The following SPATA13 variants were observed in gnomAD, a reference collection of about 807,000 sequenced individuals.
SPATA13 encodes the protein spermatogenesis associated 13, also known as spermatogenesis-associated protein 13.
Under a neutral mutation model 104.0 loss-of-function variants are expected in SPATA13, and 50 were observed. That is an observed-to-expected ratio of 0.48 (90% CI 0.38 to 0.61). SPATA13 has a LOEUF of 0.61. SPATA13 is among the 20% of genes least tolerant of loss of function. The pLI is 0.00. For synonymous variants in SPATA13, 606 were observed against 667.5 expected, an observed-to-expected ratio of 0.91 and a Z score of 1.42; for missense variants, 1,524 against 1,690.6, an observed-to-expected ratio of 0.90 and a Z score of 1.73.
intron 2 of SPATA13, among the ~76,000 whole-genome samples, chr13:24,233,691 C>A (rs141038148): frequency 1.3e-5 from 2 of 152,032 alleles, no homozygotes; most frequent in Admixed American, 1.3e-4. Flanking sequence ...TCTTTTTCAA[C>A]GGAAAGTTTC....
chr13:24,286,989 ATGAGGCTGCATGAGGTGCC>A lies in SPATA13; in HGVS notation c.2667+42_2667+60del. The A allele has an allele frequency of 6.4e-7, 1 of 1,563,858 alleles. No homozygotes were observed. Among genetic ancestry groups the A allele is most frequent in the East Asian group, 2.3e-5 (1 of 44,036 alleles). ...CTGGGACCTCACTGAGGGTCACAGTATGAGGCTGCATGAGGTGCCTGGGCTTTCTCCCCACCTCCACCCC... is the reference window on the plus strand; with the variant it reads ...CTGGGACCTCACTGAGGGTCACAGTATGGGCTTTCTCCCCACCTCCACCCC... On this transcript the variant is annotated intron_variant, in intron 7 of 12. Transcript: ENST00000382108. The surrounding 1 kb of genome is among the most constrained non-coding windows in gnomAD (Gnocchi z 4.9).
chr13:24,202,176 T>C (rs2138573079), intron 1 of SPATA13, among the ~76,000 whole-genome samples: 1 of 152,266 alleles, frequency 6.6e-6, no homozygotes, highest in South Asian at 2.1e-4. Context: ...TCCTTGCCTT[T>C]TAAAAGATAA....
chr13:24,270,073 A>G (rs1426763949), intron 4 of SPATA13, among the ~76,000 whole-genome samples: 1 of 152,004 alleles, frequency 6.6e-6, no homozygotes, highest in Non-Finnish European at 1.5e-5. Flanking sequence ...TTGCGTATAT[A>G]TTACCTCATT....
At chr13:24,178,109 C>T (rs1181385568) in intron 1 of SPATA13, among the ~76,000 whole-genome samples, 1 of 152,190 alleles carries the variant, frequency 6.6e-6, no homozygotes, top group African/African-American at 2.4e-5. Context: ...CCACCTTGGC[C>T]TCCCAAAGTG....
upstream of SPATA13, chr13:24,160,687 T>C (rs1593368132): frequency 1.1e-6 from 1 of 926,934 alleles, no homozygotes; most frequent in Non-Finnish European, 1.2e-6. Flanking sequence ...GGGCGTGGCC[T>C]GGTGGGGAGC....
At chr13:24,268,246 A>G (rs928512533) in intron 4 of SPATA13, among the ~76,000 whole-genome samples, 4 of 152,224 alleles carry the variant, frequency 2.6e-5, no homozygotes, top group Admixed American at 2.6e-4. Flanking sequence ...GTGGTTTTCA[A>G]ACTCTTTTCT....
intron 2 of SPATA13, among the ~76,000 whole-genome samples, chr13:24,227,784 G>C (rs759244020): frequency 1.4e-4 from 21 of 151,900 alleles, no homozygotes; most frequent in Non-Finnish European, 2.5e-4. Context: ...TTGGTCAGGT[G>C]GTCTCAAACT....
At chr13:24,122,280 T>C (rs755224029) in intron 3 of SPATA13, 1 of 1,356,880 alleles carries the variant, frequency 7.4e-7, no homozygotes, top group Non-Finnish European at 1.1e-6. Context: ...TTTTGAATAG[T>C]TTGAAAGATA....
chr13:24,005,990 C>A (rs1166814662), intron 2 of SPATA13, among the ~76,000 whole-genome samples: 1 of 152,204 alleles, frequency 6.6e-6, no homozygotes, highest in African/African-American at 2.4e-5. Flanking sequence ...TGGACCCATG[C>A]TTCGGGATAG....
chr13:24,050,250 T>C (rs569314934), intron 3 of SPATA13, among the ~76,000 whole-genome samples: 1 of 152,244 alleles, frequency 6.6e-6, no homozygotes, highest in Non-Finnish European at 1.5e-5. Flanking sequence ...TTAAGTATAA[T>C]AGATATTAAA....
At chr13:24,239,719 A>AAAAAAAAAAAAAAAG (rs1872743030) in intron 2 of SPATA13, among the ~76,000 whole-genome samples, 1 of 149,366 alleles carries the variant, frequency 6.7e-6, no homozygotes, top group African/African-American at 2.5e-5. Flanking sequence ...AAAAAAAAAA[A>AAAAAAAAAAAAAAAG]TAGAGAAAGC....
rs374680225 is a variant in SPATA13, at chr13:24,223,254, C to T, written c.325C>T (p.Arg109Trp). 21 of 1,551,572 alleles carry T rather than the reference C, an allele frequency of 1.4e-5. No individual in the cohort carries two copies. Among genetic ancestry groups the T allele is most frequent in the Middle Eastern group, 1.7e-4 (1 of 6,014 alleles). Residue 109 changes from arginine to tryptophan, a missense_variant, in exon 2 of 13, where the codon CGG becomes TGG. Arg to Trp is a moderately radical substitution (Grantham distance 101, BLOSUM62 -3). Coordinates refer to ENST00000382108, the MANE Select transcript of SPATA13 (RefSeq NM_001166271.3). Reference sequence around the variant, plus strand: ...CACATGGAACACCCTCGCCTCCTTCCGGAAAATGGGATCCTTTAAGAAACT... The same window carrying T: ...CACATGGAACACCCTCGCCTCCTTCTGGAAAATGGGATCCTTTAAGAAACT... ...SSTWNTLASF[R>W]KMGSFKKLKS...
intron 2 of SPATA13, among the ~76,000 whole-genome samples, chr13:24,232,323 G>C (rs1235073124): frequency 6.6e-6 from 1 of 152,130 alleles, no homozygotes; most frequent in Non-Finnish European, 1.5e-5. Flanking sequence ...GACACCTCAA[G>C]GGATTGCAGA....
intron 2 of SPATA13, among the ~76,000 whole-genome samples, chr13:23,999,450 C>T (rs1388744928): frequency 6.9e-6 from 1 of 145,636 alleles, no homozygotes; most frequent in East Asian, 2.0e-4. Context: ...GAAGATTTGG[C>T]ATATTAACAA....
At chr13:24,128,106 T>A (rs575092562) in intron 3 of SPATA13, among the ~76,000 whole-genome samples, 6 of 152,296 alleles carry the variant, frequency 3.9e-5, no homozygotes, top group Admixed American at 6.5e-5. Flanking sequence ...GCCTCTGACA[T>A]ATCAACTGTA....
intron 11 of SPATA13, 48 bp downstream of exon 11, chr13:24,297,783 A>G: frequency 6.4e-7 from 1 of 1,562,808 alleles, no homozygotes; most frequent in Non-Finnish European, 8.7e-7. Context: ...GCTTGCTGTA[A>G]TAGCTTCATT....
chr13:24,062,844 A>T lies in SPATA13; in HGVS notation c.-112+45143A>T, dbSNP rs973035952. ...TCGGGATTTCCAAACTTCAATTTGG[A>T]GTGGGTTTTGCCAGGAAATTACTTT... On this transcript the variant is annotated intron_variant, in intron 3 of 14. Transcript: ENST00000424834. Among the ~76,000 whole-genome samples the T allele has an allele frequency of 6.6e-5, 10 of 152,092 alleles. 4 individuals carry two copies. The highest frequency in any genetic ancestry group is 6.5e-4 in the Admixed American group (10 of 15,288).
chr13:24,063,929 T>C (rs1047208533), intron 3 of SPATA13, among the ~76,000 whole-genome samples: 15 of 152,134 alleles, frequency 9.9e-5, no homozygotes, highest in African/African-American at 3.6e-4. Context: ...AGGTCTTCGT[T>C]CCCTGCCTGC....
At chr13:24,107,663 G>A (rs1327865040) in intron 3 of SPATA13, among the ~76,000 whole-genome samples, 5 of 152,232 alleles carry the variant, frequency 3.3e-5, no homozygotes, top group Middle Eastern at 3.4e-3. Flanking sequence ...CAGCGCCTAC[G>A]TCAGCTTTTC....
Sources: gnomAD v4.1 joint callset for allele counts (sites outside exome capture counted in the v4.1 genomes callset) on GRCh38, gnomAD v4.1.1 for gene constraint, Gnocchi (gnomAD v3.1) non-coding constraint, MANE v1.5 for transcripts, NCBI Gene and HGNC (gene_info 2026-07-23, HGNC 2026-07-21) for gene names.